Variants in DEPDC7 observed in about 807,000 individuals in gnomAD.
DEPDC7 encodes the protein DEP domain containing 7.
DEPDC7 carries 41 observed loss-of-function variants against 56.6 expected under a neutral mutation model. The ratio of observed to expected loss-of-function variants is 0.72; its 90% CI spans 0.56 to 0.94. The LOEUF (loss-of-function observed/expected upper bound fraction) is 0.94, where lower values mean the gene tolerates loss of function less well. DEPDC7 is among the 40% of genes least tolerant of loss of function. The pLI, the probability that DEPDC7 is intolerant of heterozygous loss-of-function variation, is 0.00. For synonymous variants in DEPDC7, 185 were observed against 208.8 expected, an observed-to-expected ratio of 0.89 and a Z score of 0.98; for missense variants, 522 against 596.3, an observed-to-expected ratio of 0.88 and a Z score of 1.30.
chr11:33,030,868 G>T (rs1317963432), intron 4 of DEPDC7, among the ~76,000 whole-genome samples: 1 of 152,210 alleles, frequency 6.6e-6, no homozygotes. Flanking sequence ...ACAGGTGTGA[G>T]CCACCGCACC....
intron 2 of DEPDC7, 181 bp downstream of exon 2, chr11:33,026,230 A>G: frequency 1.6e-6 from 1 of 634,834 alleles, no homozygotes; most frequent in Non-Finnish European, 2.7e-6. Context: ...TCTCCTAGTC[A>G]TATTTTATAT....
rs112214424 is a variant in DEPDC7, at chr11:33,022,893, A to G, written c.74-2766A>G. Among the ~76,000 whole-genome samples, 650 of 152,324 alleles carry G rather than the reference A, an allele frequency of 4.3e-3. 6 individuals carry two copies. The highest frequency in any genetic ancestry group is 0.015 in the African/African-American group (626 of 41,558). On this transcript the variant is annotated intron_variant, in intron 1 of 8. Transcript: ENST00000241051. ...ACATTATATTTGGAAGACTGGCAAC[A>G]ATTACTTCCATCTTTGTTTAGTACT... is the stretch of plus-strand genomic sequence containing the variant.
In DEPDC7 at chr11:33,031,538, C is replaced by A. The variant is rs370596448; in HGVS notation, c.943C>A (p.Pro315Thr). ...AIGRYYSSRE[P>T]LLNHLSDVHN... ...TGGCAGATATTACAGTAGTAGGGAA[C>A]CTCTGTTAAATCACTTATCTGACGT... is the stretch of plus-strand genomic sequence containing the variant. Residue 315 changes from proline to threonine, a missense_variant, in exon 5 of 9, where the codon CCT (proline) becomes ACT (threonine). By Grantham distance (38) the Pro-to-Thr change is conservative. Transcript: ENST00000241051. 1.2e-6 allele frequency: 2 copies of A among 1,614,094 alleles called. No homozygotes were observed. Among genetic ancestry groups the A allele is most frequent in the South Asian group, 2.2e-5 (2 of 91,080 alleles).
chr11:33,032,521 A>G (rs767678979), intron 6 of DEPDC7, 43 bp downstream of exon 6: 98 of 1,500,332 alleles, frequency 6.5e-5, no homozygotes, highest in Non-Finnish European at 8.0e-5. Context: ...AATATCCTTA[A>G]TACTTACAGG....
At chr11:33,022,701 A>C (rs1169765742) in intron 1 of DEPDC7, among the ~76,000 whole-genome samples, 6 of 152,052 alleles carry the variant, frequency 3.9e-5, no homozygotes, top group Non-Finnish European at 8.8e-5. Context: ...TAGTACAACT[A>C]CTCCTGAGTT....
In DEPDC7 at chr11:33,025,978, T is replaced by G. The variant is rs556333291; in HGVS notation, c.393T>G (p.Leu131=). Residue 131 remains leucine (L), a synonymous_variant, in exon 2 of 9, where the codon CTT becomes CTG. Transcript: ENST00000241051. ...CATTTGAAGATAGTAGTTGCAGCCT[T>G]TATAGATTCACCACAATACCTAACC... ...KPTFEDSSCS[L]YRFTTIPNQD... 4 of 1,614,068 alleles carry G rather than the reference T, an allele frequency of 2.5e-6. No individual in the cohort carries two copies. The African/African-American group carries it at 4.0e-5, about 16-fold the overall frequency.
intron 1 of DEPDC7, among the ~76,000 whole-genome samples, chr11:33,025,073 C>T (rs759168643): frequency 2.0e-5 from 3 of 152,016 alleles, no homozygotes; most frequent in Non-Finnish European, 4.4e-5. Flanking sequence ...CTTGATGTGT[C>T]CTCCTAACTC....
At position 33,025,956 on chromosome 11, in the gene DEPDC7, T is replaced by C. The variant is rs376814687; in HGVS notation, c.371T>C (p.Phe124Ser). The change falls in exon 2 of 9, where the codon TTT becomes TCT. Residue 124 changes from phenylalanine to serine, a missense_variant. Phe to Ser is a radical substitution (Grantham distance 155). Transcript: ENST00000241051. The stretch of plus-strand genomic sequence containing the variant: ...TTTGGAAAAGACAAAAAACCTACAT[T>C]TGAAGATAGTAGTTGCAGCCTTTAT... ...KVFGKDKKPT[F>S]EDSSCSLYRF... 3.7e-6 allele frequency: 6 copies of C among 1,614,064 alleles called. No individual in the cohort carries two copies. The highest frequency in any genetic ancestry group is 5.1e-6 in the Non-Finnish European group (6 of 1,180,010).
chr11:33,026,851 T>C (rs7121724), intron 2 of DEPDC7: 117,500 of 151,910 alleles, frequency 0.77, 45,638 homozygotes, highest in East Asian at 0.86. Context: ...TAGTCTGAAA[T>C]TCCTGGGCTC....
At chr11:33,023,690 G>A (rs1305768585) in intron 1 of DEPDC7, among the ~76,000 whole-genome samples, 3 of 152,044 alleles carry the variant, frequency 2.0e-5, no homozygotes, top group Non-Finnish European at 4.4e-5. Flanking sequence ...CTGCTACCAC[G>A]CCCGGCCAAT....
intron 4 of DEPDC7, among the ~76,000 whole-genome samples, chr11:33,030,351 G>A (rs1853620493): frequency 6.6e-6 from 1 of 152,208 alleles, no homozygotes; most frequent in Admixed American, 6.5e-5. Flanking sequence ...CTGATGTCAA[G>A]AGAGGTGAAA....
chr11:33,023,276 A>G (rs926613314), intron 1 of DEPDC7, among the ~76,000 whole-genome samples: 4 of 152,162 alleles, frequency 2.6e-5, no homozygotes, highest in Non-Finnish European at 5.9e-5. Context: ...CAACGTTATA[A>G]TAATGGGTAG....
chr11:33,026,052 T>C lies in DEPDC7; in HGVS notation c.464+3T>C, dbSNP rs377735139. The C allele has an allele frequency of 7.4e-6, 12 of 1,613,640 alleles. No individual in the cohort carries two copies. In the African/African-American group the frequency reaches 9.3e-5, roughly 13 times the overall value. ...AACAAACTATATTCACCTGCCAGGT[T>C]GGTATATAATGTTAGATTATCACGG... On this transcript the variant is annotated splice_donor_region_variant and intron_variant, in intron 2 of 8. Transcript: ENST00000241051.
At chr11:33,023,915 C>T (rs571784030) in intron 1 of DEPDC7, among the ~76,000 whole-genome samples, 5 of 152,184 alleles carry the variant, frequency 3.3e-5, no homozygotes, top group South Asian at 2.1e-4. Flanking sequence ...CCTTTCTAGA[C>T]GATCTTAAAG....
At position 33,015,921 on chromosome 11, in the gene DEPDC7, C is replaced by T. The variant is rs754766512; in HGVS notation, c.-35C>T. 1.9e-5 allele frequency: 30 copies of T among 1,548,092 alleles called. No homozygotes were observed. The Admixed American group carries it at 3.9e-4, about 20-fold the overall frequency. On this transcript the variant is annotated 5_prime_UTR_variant, in exon 1 of 9. Coordinates refer to ENST00000241051, the MANE Select transcript of DEPDC7 (RefSeq NM_001077242.2). ...CTCAGGGAGCTAGGGAGCTGTGAAG[C>T]TGCTGGAGGAGTTGGCGTCCGGGGA...
chr11:33,016,697 A>G (rs1853466629), intron 1 of DEPDC7: 2 of 1,036,120 alleles, frequency 1.9e-6, no homozygotes, highest in Non-Finnish European at 1.5e-6. Context: ...CCACGGGCCT[A>G]ATCGTGTCTT....
chr11:33,033,427 A>C lies in DEPDC7; in HGVS notation c.1508A>C (p.Asp503Ala). The C allele has an allele frequency of 6.3e-7, 1 of 1,595,500 alleles. No individual in the cohort carries two copies. The highest frequency in any genetic ancestry group is 8.5e-7 in the Non-Finnish European group (1 of 1,174,896). ...GGTCAATTCTATAAGTGTCACCCAGACATCTTTATTGAGCATTTTGGAGAC... is the reference window on the plus strand; with the variant it reads ...GGTCAATTCTATAAGTGTCACCCAGCCATCTTTATTGAGCATTTTGGAGAC... ...LLGQFYKCHP[D>A]IFIEHFGD is the part of the protein sequence containing the mutation. The change falls in exon 9 of 9, where the codon GAC (aspartate) becomes GCC (alanine). Residue 503 changes from aspartate (D) to alanine (A), a missense_variant. Physicochemically the swap from Asp to Ala is moderately radical, Grantham distance 126. Coordinates refer to ENST00000241051, the MANE Select transcript of DEPDC7 (RefSeq NM_001077242.2).
At chr11:33,025,537 C>A in intron 1 of DEPDC7, 122 bp from the exon 2 acceptor site, 1 of 919,344 alleles carries the variant, frequency 1.1e-6, no homozygotes. Context: ...AAGCTACCCT[C>A]ATAATTGCTC....
intron 1 of DEPDC7, among the ~76,000 whole-genome samples, chr11:33,017,836 T>A (rs1853480142): frequency 6.6e-6 from 1 of 152,228 alleles, no homozygotes; most frequent in Non-Finnish European, 1.5e-5. Flanking sequence ...TATGCCAGTC[T>A]TCAGCCAGTA....
Sources: gnomAD v4.1 joint callset for allele counts (sites outside exome capture counted in the v4.1 genomes callset) on GRCh38, gnomAD v4.1.1 for gene constraint, MANE v1.5 for transcripts, NCBI Gene and HGNC (gene_info 2026-07-23, HGNC 2026-07-21) for gene names.